LRMDA: variants seen among roughly 807,000 people sequenced by gnomAD.
The protein encoded by LRMDA is leucine rich melanocyte differentiation associated.
In LRMDA, 18 loss-of-function variants were observed where a neutral mutation model predicts 29.8. That is an observed-to-expected ratio of 0.60 (90% confidence interval 0.42 to 0.90). The LOEUF is 0.90. LRMDA is among the 40% of genes least tolerant of loss of function. The pLI is 0.00. For synonymous variants in LRMDA, 125 were observed against 109.4 expected (o/e 1.14, Z -0.89); for missense variants, 273 against 273.9 (o/e 1.00, Z 0.02).
chr10:76,332,209 G>T (rs573068939), intron 6 of LRMDA, among the ~76,000 whole-genome samples: 1 of 152,342 alleles, frequency 6.6e-6, no homozygotes, highest in East Asian at 1.9e-4. Flanking sequence ...CTGCGAGGGT[G>T]GCAGTGATGG....
At chr10:75,807,538 G>C (rs904971895) in intron 2 of LRMDA, among the ~76,000 whole-genome samples, 3 of 152,170 alleles carry the variant, frequency 2.0e-5, no homozygotes, top group African/African-American at 7.2e-5. Context: ...AGGGAATTTT[G>C]CACATTCGAC....
chr10:76,087,864 G>A (rs1849162020), intron 5 of LRMDA, among the ~76,000 whole-genome samples: 2 of 152,200 alleles, frequency 1.3e-5, no homozygotes, highest in African/African-American at 4.8e-5. Flanking sequence ...GCTCACACCT[G>A]TTATACCAGC....
At chr10:75,498,646 G>T (rs547111451) in intron 2 of LRMDA, among the ~76,000 whole-genome samples, 1 of 152,264 alleles carries the variant, frequency 6.6e-6, no homozygotes, top group Non-Finnish European at 1.5e-5. Context: ...GAAGGATTAA[G>T]GGATTGATTT....
At position 75,924,490 on chromosome 10, in the gene LRMDA, G is replaced by A. The variant is rs547111809; in HGVS notation, c.132-111518G>A. On this transcript the variant is annotated intron_variant, in intron 2 of 6. Transcript: ENST00000611255. ...AAATAATTGCATTGGTTGGAAAGTC[G>A]GGATGCGTGCTGAGGGGGAGAGAAC... 2.0e-4 allele frequency among the ~76,000 whole-genome samples: 31 copies of A among 152,280 alleles called. 1 individual carries two copies. The South Asian group carries it at 3.9e-3, about 19-fold the overall frequency.
At chr10:75,608,909 A>G (rs1466190823) in intron 2 of LRMDA, among the ~76,000 whole-genome samples, 1 of 152,162 alleles carries the variant, frequency 6.6e-6, no homozygotes, top group Admixed American at 6.5e-5. Context: ...GCCACATTCC[A>G]AGCCTTGGTC....
At chr10:75,645,502 T>C (rs953460841) in intron 2 of LRMDA, among the ~76,000 whole-genome samples, 3 of 152,002 alleles carry the variant, frequency 2.0e-5, no homozygotes, top group South Asian at 2.1e-4. Context: ...CAACTGTGAA[T>C]GTCGGAGCTA....
At chr10:75,799,908 C>T (rs992739272) in intron 2 of LRMDA, among the ~76,000 whole-genome samples, 4 of 152,116 alleles carry the variant, frequency 2.6e-5, no homozygotes, top group East Asian at 1.9e-4. Flanking sequence ...ATTCTCACCC[C>T]GATTACACAT....
At chr10:75,463,264 A>G (rs752403583) in intron 2 of LRMDA, among the ~76,000 whole-genome samples, 3 of 151,986 alleles carry the variant, frequency 2.0e-5, no homozygotes, top group Non-Finnish European at 4.4e-5. Context: ...TCCCCGGGGA[A>G]CTTGTGAAAA....
At chr10:76,455,428 G>A (rs1298110616) in intron 6 of LRMDA, among the ~76,000 whole-genome samples, 1 of 152,126 alleles carries the variant, frequency 6.6e-6, no homozygotes. Context: ...AGTATGCATC[G>A]ATGCTAATCC....
intron 6 of LRMDA, among the ~76,000 whole-genome samples, chr10:76,411,027 C>G (rs1841955754): frequency 6.6e-6 from 1 of 152,118 alleles, no homozygotes; most frequent in African/African-American, 2.4e-5. Flanking sequence ...GGGGTTGGAG[C>G]AAGAGATGCA....
Position 75,703,282 on chromosome 10 carries a change from G to A in LRMDA, c.131+264788G>A, listed in dbSNP as rs1456828932. On this transcript the variant is annotated intron_variant, in intron 2 of 6. Coordinates refer to ENST00000611255, the MANE Select transcript of LRMDA (RefSeq NM_001305581.2). Reference sequence around the variant, plus strand: ...GAAGGGAAGAAGGGAGAAGGGGTGGGATTGGGGGACGCAAGCGTCATATAA... The same window carrying A: ...GAAGGGAAGAAGGGAGAAGGGGTGGAATTGGGGGACGCAAGCGTCATATAA... 2.0e-5 allele frequency among the ~76,000 whole-genome samples: 3 copies of A among 152,202 alleles called. No homozygotes were observed. The South Asian group carries it at 6.2e-4, about 31-fold the overall frequency.
chr10:75,835,989 G>A (rs1295244529), intron 2 of LRMDA, among the ~76,000 whole-genome samples: 2 of 152,140 alleles, frequency 1.3e-5, no homozygotes, highest in African/African-American at 2.4e-5. Flanking sequence ...CAATGGAAAA[G>A]CATTATCAAG....
intron 2 of LRMDA, among the ~76,000 whole-genome samples, chr10:75,460,474 T>C (rs1008332223): frequency 6.6e-6 from 1 of 152,176 alleles, no homozygotes; most frequent in African/African-American, 2.4e-5. Flanking sequence ...TGAAGGAAAT[T>C]TGGGGCTCAG....
At chr10:75,588,565 G>T (rs1030868470) in intron 2 of LRMDA, among the ~76,000 whole-genome samples, 1 of 151,994 alleles carries the variant, frequency 6.6e-6, no homozygotes, top group Non-Finnish European at 1.5e-5. Flanking sequence ...ACTCAATTGC[G>T]CTTTTTTGAC....
chr10:76,404,654 A>G (rs149986698), intron 6 of LRMDA, among the ~76,000 whole-genome samples: 110 of 152,262 alleles, frequency 7.2e-4, no homozygotes, highest in African/African-American at 2.4e-3. Context: ...GAATGGCTCA[A>G]TCGTTTCTTT....
intron 5 of LRMDA, among the ~76,000 whole-genome samples, chr10:76,241,037 C>T (rs1383324187): frequency 1.3e-5 from 2 of 151,856 alleles, no homozygotes; most frequent in Non-Finnish European, 2.9e-5. Context: ...CATATGTTAT[C>T]ACTCATAAAT....
At chr10:75,942,812 A>G (rs76462349) in intron 2 of LRMDA, among the ~76,000 whole-genome samples, 2,836 of 152,254 alleles carry the variant, frequency 0.019, 74 homozygotes, top group African/African-American at 0.06. Context: ...ATGGCTGGCA[A>G]TTGAAGGATC....
At chr10:75,748,898 C>T (rs1842920249) in intron 2 of LRMDA, among the ~76,000 whole-genome samples, 1 of 152,062 alleles carries the variant, frequency 6.6e-6, no homozygotes, top group African/African-American at 2.4e-5. Context: ...CTGATATATA[C>T]ATTTATATGT....
intron 2 of LRMDA, among the ~76,000 whole-genome samples, chr10:75,702,930 C>T (rs2132170955): frequency 6.6e-6 from 1 of 152,214 alleles, no homozygotes; most frequent in Middle Eastern, 3.4e-3. Context: ...AGATATCAGC[C>T]CCAACATCTG....
Sources: gnomAD v4.1 joint callset for allele counts (sites outside exome capture counted in the v4.1 genomes callset) on GRCh38, gnomAD v4.1.1 for gene constraint, MANE v1.5 for transcripts, NCBI Gene and HGNC (gene_info 2026-07-23, HGNC 2026-07-21) for gene names.